The following PCDHGB4 variants were observed in gnomAD, a reference collection of about 807,000 sequenced individuals.
PCDHGB4 encodes protocadherin gamma subfamily B, 4.
Under a neutral mutation model 60.5 loss-of-function variants are expected in PCDHGB4, and 38 were observed. The observed-to-expected ratio is 0.63, with a 90% CI of 0.48 to 0.82. PCDHGB4 has a LOEUF of 0.82. Among genes scored for constraint, PCDHGB4 ranks in the 40% least tolerant of loss-of-function variants. The probability of loss-of-function intolerance (pLI) is 0.00; values close to 1 mark genes in which losing one functional copy is unlikely to be tolerated. For missense variants in PCDHGB4, 1,109 were observed against 1,209.6 expected (o/e 0.92, Z 1.23); for synonymous variants, 456 against 509.7 (o/e 0.89, Z 1.42).
At chr5:141,472,000 C>T (rs935165645) in intron 1 of PCDHGB4, among the ~76,000 whole-genome samples, 3 of 151,852 alleles carry the variant, frequency 2.0e-5, no homozygotes, top group African/African-American at 4.8e-5. Flanking sequence ...ATCCCTGCAT[C>T]GTATAGGGGC....
rs187307897 is a variant in PCDHGB4 at position 141,505,900 on chromosome 5, A to G, written c.2545+419A>G. 2.6e-4 allele frequency among the ~76,000 whole-genome samples: 39 copies of G among 152,296 alleles called. 1 individual carries two copies. In the East Asian group the frequency reaches 6.8e-3, roughly 26 times the overall value. ...TGTAGAGATTAAATGAGATGATACCACAAAGCATAGAGTTCTGGGCCTGGC... is the reference window on the plus strand; with the variant it reads ...TGTAGAGATTAAATGAGATGATACCGCAAAGCATAGAGTTCTGGGCCTGGC... On this transcript the variant is annotated intron_variant, in intron 3 of 3. Transcript: ENST00000519479.
Position 141,421,312 on chromosome 5 carries a change from G to A in PCDHGB4, c.2397+31031G>A, listed in dbSNP as rs375071225. ...CCTGGGGACGCTGCGGGGGTTCCGGGCCAGGCAGATCCGATATTCGGTGCC... is the reference window on the plus strand; with the variant it reads ...CCTGGGGACGCTGCGGGGGTTCCGGACCAGGCAGATCCGATATTCGGTGCC... On this transcript the variant is annotated intron_variant, in intron 1 of 3. Coordinates refer to ENST00000519479, the MANE Select transcript of PCDHGB4 (RefSeq NM_003736.4). The A allele has an allele frequency of 1.9e-5, 31 of 1,613,630 alleles. No homozygotes were observed. The highest frequency in any genetic ancestry group is 1.4e-5 in the Non-Finnish European group (17 of 1,179,886).
chr5:141,508,867 G>A (rs2099872497), intron 3 of PCDHGB4, among the ~76,000 whole-genome samples: 1 of 152,108 alleles, frequency 6.6e-6, no homozygotes. Flanking sequence ...GGGAAAGGCT[G>A]AAGAGGCTGA....
intron 1 of PCDHGB4, chr5:141,418,919 G>C: frequency 6.2e-7 from 1 of 1,614,016 alleles, no homozygotes. Flanking sequence ...GTCACTCTCT[G>C]ATCAGATTAT....
Position 141,490,008 on chromosome 5 carries a change from C to T in PCDHGB4, c.2398-4799C>T. 6.2e-7 allele frequency: 1 copy of T among 1,614,230 alleles called. No homozygotes were observed. ...GTGTGGGAATCCCAGAGAATGCACC[C>T]ATTGGTACTCTGCTGCTCCGCCTCA... On this transcript the variant is annotated intron_variant, in intron 1 of 3. Transcript: ENST00000519479. This position sits in a 1 kb window ranked among gnomAD's most constrained non-coding sequence, Gnocchi z 5.4.
intron 2 of PCDHGB4, among the ~76,000 whole-genome samples, chr5:141,501,223 T>G (rs1247662371): frequency 6.6e-6 from 1 of 151,280 alleles, no homozygotes; most frequent in African/African-American, 2.4e-5. Flanking sequence ...CTTCCTAGAT[T>G]TCTCAGTTTT....
chr5:141,418,589 C>T (rs184213052), intron 1 of PCDHGB4: 13 of 1,613,896 alleles, frequency 8.1e-6, no homozygotes, highest in African/African-American at 6.7e-5. Flanking sequence ...AGTGTTCAGC[C>T]AGGACGTGTA....
At chr5:141,504,303 G>A (rs1157625808) in intron 2 of PCDHGB4, among the ~76,000 whole-genome samples, 4 of 151,938 alleles carry the variant, frequency 2.6e-5, no homozygotes, top group Admixed American at 2.6e-4. Context: ...TTCAACACTC[G>A]GAGTTTCTAA....
chr5:141,398,497 G>A, intron 1 of PCDHGB4: 1 of 1,570,856 alleles, frequency 6.4e-7, no homozygotes, highest in Non-Finnish European at 8.6e-7. Context: ...TGTGGAGATC[G>A]AGGACATTAA....
At chr5:141,446,604 G>C (rs1226194089) in intron 1 of PCDHGB4, among the ~76,000 whole-genome samples, 1 of 152,134 alleles carries the variant, frequency 6.6e-6, no homozygotes, top group Non-Finnish European at 1.5e-5. Flanking sequence ...AGCCTCCTGA[G>C]TAGCTGGGAC....
intron 1 of PCDHGB4, among the ~76,000 whole-genome samples, chr5:141,447,413 C>T (rs1279399546): frequency 6.6e-6 from 1 of 152,204 alleles, no homozygotes; most frequent in Non-Finnish European, 1.5e-5. Flanking sequence ...GCTGGGATTA[C>T]AGGCGTGAGC....
chr5:141,499,599 C>G (rs2099792919), intron 2 of PCDHGB4, among the ~76,000 whole-genome samples: 2 of 152,102 alleles, frequency 1.3e-5, no homozygotes, highest in South Asian at 4.1e-4. Context: ...TCACCTATAT[C>G]CCTACCCTTA....
Position 141,486,617 on chromosome 5 carries a change from C to G in PCDHGB4, c.2398-8190C>G. ...GCTTTGCTCCCTTGCAGCCTCTGAC[C>G]CAGACTCTGGCTTGAATGCGCTTAT... On this transcript the variant is annotated intron_variant, in intron 1 of 3. Transcript: ENST00000519479. This position sits in a 1 kb window ranked among gnomAD's most constrained non-coding sequence, Gnocchi z 5.0. 1 of 1,613,602 alleles carries G rather than the reference C, an allele frequency of 6.2e-7. No homozygotes were observed. Among genetic ancestry groups the G allele is most frequent in the South Asian group, 1.1e-5 (1 of 91,086 alleles).
In PCDHGB4 at chr5:141,511,477, C is replaced by A; in HGVS notation, c.*304C>A. 2.1e-6 allele frequency: 1 copy of A among 482,262 alleles called. No homozygotes were observed. The allele number at this position is 482,262 out of a possible 1,614,324, so 29.9% of individuals were successfully genotyped here. A position where few individuals can be genotyped will look rare whatever the true frequency, so the allele number is the denominator to read the frequency against. On this transcript the variant is annotated 3_prime_UTR_variant, in exon 4 of 4. Coordinates refer to ENST00000519479, the MANE Select transcript of PCDHGB4 (RefSeq NM_003736.4). ...TTTGCCACACCCCGTTTAGTTACAG[C>A]TGAACTCCTCCATCTTCCAAATCAA...
At chr5:141,510,431 G>A (rs912708135) in intron 3 of PCDHGB4, among the ~76,000 whole-genome samples, 9 of 152,132 alleles carry the variant, frequency 5.9e-5, no homozygotes, top group African/African-American at 1.9e-4. Flanking sequence ...TTTCATGGCT[G>A]CTGCCCTCCA....
intron 1 of PCDHGB4, chr5:141,428,805 C>G (rs1468764398): frequency 6.6e-6 from 1 of 152,108 alleles, no homozygotes; most frequent in African/African-American, 2.4e-5. Flanking sequence ...GGGCCAGTAA[C>G]TTCATTATTA....
intron 1 of PCDHGB4, chr5:141,408,161 C>T: frequency 2.0e-6 from 3 of 1,517,698 alleles, no homozygotes; most frequent in Non-Finnish European, 2.7e-6. Context: ...TGCACTTTCT[C>T]CAACTGGAAA....
intron 1 of PCDHGB4, among the ~76,000 whole-genome samples, chr5:141,444,473 G>A (rs943971075): frequency 2.6e-5 from 4 of 151,972 alleles, no homozygotes; most frequent in Admixed American, 6.6e-5. Flanking sequence ...GCCCGGTCGC[G>A]TACTGGATTT....
rs1180919465 is a variant in PCDHGB4 at position 141,410,681 on chromosome 5, G to A, written c.2397+20400G>A. On this transcript the variant is annotated intron_variant, in intron 1 of 3. Coordinates refer to ENST00000519479, the MANE Select transcript of PCDHGB4 (RefSeq NM_003736.4). ...AGTCTACTAGTTTCTCATATTTTAG[G>A]CATACTACTTTATTTTCATATCTAG... The A allele has an allele frequency of 3.9e-6, 6 of 1,535,084 alleles. No homozygotes were observed. The East Asian group carries it at 1.4e-4, about 35-fold the overall frequency.
Sources: allele counts gnomAD v4.1 joint callset (sites outside exome capture counted in the v4.1 genomes callset), GRCh38; gene constraint gnomAD v4.1.1; non-coding constraint Gnocchi (gnomAD v3.1); transcripts MANE v1.5; gene names NCBI Gene and HGNC (gene_info 2026-07-23, HGNC 2026-07-21).